The following CPO variants were observed in gnomAD, a reference collection of about 807,000 sequenced individuals.
CPO encodes carboxypeptidase O.
A neutral mutation model predicts 41.2 loss-of-function variants in CPO; 43 were observed. The ratio of observed to expected loss-of-function variants is 1.04; its 90% CI spans 0.82 to 1.35. The LOEUF (loss-of-function observed/expected upper bound fraction) is 1.35. CPO is among the 40% of genes most tolerant of loss of function. CPO has a pLI of 0.00. For synonymous variants in CPO, 178 were observed against 162.7 expected (o/e 1.09, Z -0.72); for missense variants, 408 against 451.7 (o/e 0.90, Z 0.88).
intron 2 of CPO, among the ~76,000 whole-genome samples, chr2:206,952,097 G>T (rs60506811): frequency 0.015 from 2,195 of 149,822 alleles, 61 homozygotes; most frequent in African/African-American, 0.052. Context: ...TTTCAAATAG[G>T]ATATTTGTTA....
At chr2:206,963,787 C>T (rs987434991) in intron 7 of CPO, among the ~76,000 whole-genome samples, 7 of 150,736 alleles carry the variant, frequency 4.6e-5, no homozygotes, top group Admixed American at 6.6e-5. Flanking sequence ...TTGGCTATTA[C>T]GAACAATGCT....
At chr2:206,942,645 T>C (rs1693050955) in intron 1 of CPO, among the ~76,000 whole-genome samples, 1 of 152,176 alleles carries the variant, frequency 6.6e-6, no homozygotes, top group Admixed American at 6.6e-5. Context: ...AAACATTTTA[T>C]GAATTCCTGT....
intron 4 of CPO, among the ~76,000 whole-genome samples, chr2:206,958,728 GTTTTTTTTTTTTTTTTT>G (rs752377148): frequency 2.4e-4 from 13 of 53,334 alleles, no homozygotes; most frequent in Middle Eastern, 0.021. Flanking sequence ...AAATTTTCTA[GTTTTTTTTTTTTTTTTT>G]TTTTTTTTTT....
Position 206,967,892 on chromosome 2 carries a change from A to T in CPO, c.778-371A>T, listed in dbSNP as rs566051980. On this transcript the variant is annotated intron_variant, in intron 7 of 8. Coordinates refer to ENST00000272852, the MANE Select transcript of CPO (RefSeq NM_173077.3). ...AAAGAAGGATTGGTGAGAGAAATCT[A>T]TTAGAAGATGCAACAGACCATTTCA... Among the ~76,000 whole-genome samples the T allele has an allele frequency of 3.0e-3, 458 of 152,350 alleles. 4 individuals are homozygous for T. Among genetic ancestry groups the T allele is most frequent in the African/African-American group, 1.0e-2 (414 of 41,594 alleles).
intron 3 of CPO, 40 bp from the exon 4 acceptor site, chr2:206,958,261 C>T: frequency 9.3e-7 from 1 of 1,079,348 alleles, no homozygotes; most frequent in Non-Finnish European, 1.3e-6. Flanking sequence ...TTACAATAAT[C>T]AGCAATTGTT....
chr2:206,945,391 A>G (rs1474212565), intron 1 of CPO, among the ~76,000 whole-genome samples: 1 of 149,520 alleles, frequency 6.7e-6, no homozygotes, highest in Non-Finnish European at 1.5e-5. Flanking sequence ...TGGGTAAATG[A>G]ATTACCACTT....
At chr2:206,963,952 C>T (rs907108680) in intron 7 of CPO, among the ~76,000 whole-genome samples, 1 of 152,186 alleles carries the variant, frequency 6.6e-6, no homozygotes, top group Non-Finnish European at 1.5e-5. Flanking sequence ...TTGATATTCC[C>T]ACCAACAGTA....
intron 4 of CPO, 122 bp downstream of exon 4, chr2:206,958,527 C>G: frequency 1.9e-6 from 1 of 539,570 alleles, no homozygotes; most frequent in Non-Finnish European, 3.3e-6. Context: ...CTGTGCTAAT[C>G]CTTCACCTCA....
chr2:206,968,261 A>C lies in CPO; in HGVS notation c.778-2A>C, dbSNP rs1172969549. ...ATCTGTCTCTGCATTTCCCACCTAC[A>C]GATTCAAGTTGGACAGAAGGCAGCA... On this transcript the variant is annotated splice_acceptor_variant, in intron 7 of 8. Coordinates refer to ENST00000272852, the MANE Select transcript of CPO (RefSeq NM_173077.3). LOFTEE classifies it high-confidence loss of function. The C allele has an allele frequency of 4.4e-6, 7 of 1,595,934 alleles. No individual in the cohort carries two copies. The highest frequency in any genetic ancestry group is 6.0e-6 in the Non-Finnish European group (7 of 1,163,598).
Position 206,968,316 on chromosome 2 carries a change from T to C in CPO, c.831T>C (p.Asn277=). The C allele has an allele frequency of 1.9e-6, 3 of 1,611,366 alleles. No homozygotes were observed. Among genetic ancestry groups the C allele is most frequent in the Non-Finnish European group, 2.5e-6 (3 of 1,177,598 alleles). Residue 277 remains asparagine, a synonymous_variant, in exon 8 of 9, where the codon AAT becomes AAC. Transcript: ENST00000272852. ...CATTGAAAGCAAAGTATGGAACCAA[T>C]TATAGAGTTGGATCGAGTGCAGATA... ...ANALKAKYGT[N]YRVGSSADIL...
intron 4 of CPO, 87 bp downstream of exon 4, chr2:206,958,492 C>A (rs1303465866): frequency 2.9e-6 from 2 of 688,744 alleles, no homozygotes; most frequent in African/African-American, 3.6e-5. Flanking sequence ...ACGCTTCTTT[C>A]ACATGTTAGT....
At chr2:206,952,179 TC>T (rs1397939576) in intron 2 of CPO, among the ~76,000 whole-genome samples, 3 of 151,718 alleles carry the variant, frequency 2.0e-5, no homozygotes, top group African/African-American at 7.3e-5. Flanking sequence ...CAGTGGGCAA[TC>T]TTGGCTCACT....
rs547670445 is a variant in CPO at position 206,954,234 on chromosome 2, C to T, written c.166-1229C>T. Among the ~76,000 whole-genome samples the T allele has an allele frequency of 3.3e-5, 5 of 152,300 alleles. 1 individual carries two copies. The highest frequency in any genetic ancestry group is 1.9e-4 in the East Asian group (1 of 5,178). On this transcript the variant is annotated intron_variant, in intron 2 of 8. Coordinates refer to ENST00000272852, the MANE Select transcript of CPO (RefSeq NM_173077.3). Reference sequence around the variant, plus strand: ...CAGAAAATTAGTTTTTCTTTTCTATCGCATTGTCAGGCTGCAAATTTTCCA... The same window carrying T: ...CAGAAAATTAGTTTTTCTTTTCTATTGCATTGTCAGGCTGCAAATTTTCCA...
At chr2:206,958,728 G>GTT (rs752377148) in intron 4 of CPO, among the ~76,000 whole-genome samples, 1,219 of 53,330 alleles carry the variant, frequency 0.023, 117 homozygotes, top group Non-Finnish European at 0.026. Flanking sequence ...AAATTTTCTA[G>GTT]TTTTTTTTTT....
chr2:206,960,619 TTTAA>T (rs1693460637), intron 5 of CPO, among the ~76,000 whole-genome samples: 2 of 152,334 alleles, frequency 1.3e-5, no homozygotes, highest in South Asian at 2.1e-4. Flanking sequence ...CTTCCTCCAA[TTTAA>T]TTGTTTACAT....
chr2:206,962,684 A>G (rs1693504013), intron 7 of CPO, 70 bp downstream of exon 7: 3 of 1,333,030 alleles, frequency 2.3e-6, no homozygotes, highest in Middle Eastern at 1.8e-4. Flanking sequence ...TCTGATTTCC[A>G]TTTCCAAGAT....
chr2:206,941,328 A>G (rs1326154649), intron 1 of CPO, among the ~76,000 whole-genome samples: 2 of 152,126 alleles, frequency 1.3e-5, no homozygotes, highest in African/African-American at 4.8e-5. Flanking sequence ...TTAATGGCAT[A>G]GGAAAATGTA....
chr2:206,957,836 T>C (rs1029249981), intron 3 of CPO, among the ~76,000 whole-genome samples: 2 of 152,176 alleles, frequency 1.3e-5, no homozygotes, highest in Non-Finnish European at 2.9e-5. Flanking sequence ...ATTGAATCCA[T>C]TTGAAATTTC....
intron 1 of CPO, among the ~76,000 whole-genome samples, chr2:206,943,461 T>G (rs1393980279): frequency 6.6e-6 from 1 of 152,130 alleles, no homozygotes; most frequent in African/African-American, 2.4e-5. Flanking sequence ...TTATAATACT[T>G]ATTTTTATTC....
Sources: allele counts gnomAD v4.1 joint callset (sites outside exome capture counted in the v4.1 genomes callset), GRCh38; gene constraint gnomAD v4.1.1; transcripts MANE v1.5; gene names NCBI Gene and HGNC (gene_info 2026-07-23, HGNC 2026-07-21).